The following ROBO2 variants were observed in gnomAD, a reference collection of about 807,000 sequenced individuals.
ROBO2 encodes the protein roundabout guidance receptor 2.
ROBO2 carries 53 observed loss-of-function variants against 160.8 expected under a neutral mutation model. The ratio of observed to expected loss-of-function variants is 0.33; its 90% CI spans 0.26 to 0.41. The LOEUF is 0.41. ROBO2 is among the 10% of genes least tolerant of loss of function. The pLI is 1.00. For missense variants in ROBO2, 1,577 were observed against 1,722.4 expected (o/e 0.92, Z 1.49); for synonymous variants, 664 against 611.7 (o/e 1.09, Z -1.26).
In ROBO2 at chr3:77,098,028, C is replaced by T; in HGVS notation, c.76C>T (p.Gln26Ter). Residue 26 changes from glutamine to a stop codon, truncating the protein, a stop_gained, in exon 2 of 26, where the codon CAG becomes TAG. Coordinates refer to ENST00000461745, the Ensembl canonical transcript of ROBO2. LOFTEE classifies it high-confidence loss of function. ...ATGTTTTGTAGGATCGCGTCTTCGC[C>T]AGGAGGACTTTCCCCCGCGGATTGT... is the stretch of plus-strand genomic sequence containing the variant. 1 of 1,572,602 alleles carries T rather than the reference C, an allele frequency of 6.4e-7. No individual in the cohort carries two copies. Among genetic ancestry groups the T allele is most frequent in the Non-Finnish European group, 8.7e-7 (1 of 1,154,322 alleles).
At chr3:77,506,927 A>G (rs2088622878) in intron 5 of ROBO2, among the ~76,000 whole-genome samples, 1 of 152,164 alleles carries the variant, frequency 6.6e-6, no homozygotes, top group Non-Finnish European at 1.5e-5. Context: ...TGATATAGGC[A>G]TGTCATCATT....
At chr3:77,439,225 G>A (rs2079648330) in intron 2 of ROBO2, among the ~76,000 whole-genome samples, 1 of 151,942 alleles carries the variant, frequency 6.6e-6, no homozygotes, top group South Asian at 2.1e-4. Context: ...GTAATATCTT[G>A]TAAGTTATTA....
intron 2 of ROBO2, among the ~76,000 whole-genome samples, chr3:77,307,775 C>A (rs1216399702): frequency 6.6e-6 from 1 of 151,974 alleles, no homozygotes; most frequent in African/African-American, 2.4e-5. Flanking sequence ...CCCAGCTACT[C>A]GGGAGGCTAA....
chr3:77,378,373 T>A (rs1413729507), intron 2 of ROBO2, among the ~76,000 whole-genome samples: 1 of 152,162 alleles, frequency 6.6e-6, no homozygotes, highest in African/African-American at 2.4e-5. Flanking sequence ...ATGGGGGAAC[T>A]GAGAAGCAGA....
intron 2 of ROBO2, among the ~76,000 whole-genome samples, chr3:76,863,823 A>G (rs566755560): frequency 6.6e-6 from 1 of 152,270 alleles, no homozygotes; most frequent in South Asian, 2.1e-4. Context: ...AAGCAATAAC[A>G]ATGATAAACT....
chr3:77,268,353 G>C (rs972531687), intron 2 of ROBO2, among the ~76,000 whole-genome samples: 3 of 152,178 alleles, frequency 2.0e-5, no homozygotes, highest in African/African-American at 7.2e-5. Context: ...AAAAAGTACA[G>C]TGTACGTTTT....
chr3:75,913,635 G>A (rs554553289), intron 1 of ROBO2, among the ~76,000 whole-genome samples: 35 of 152,124 alleles, frequency 2.3e-4, no homozygotes, highest in African/African-American at 8.2e-4. Flanking sequence ...TGCACTGCTG[G>A]GGTCAAAAAT....
At chr3:76,378,107 T>C (rs2076439256) in intron 2 of ROBO2, among the ~76,000 whole-genome samples, 1 of 152,148 alleles carries the variant, frequency 6.6e-6, no homozygotes, top group Non-Finnish European at 1.5e-5. Context: ...AAAATAAAAA[T>C]ACTAGAAGCA....
chr3:76,376,521 G>A (rs577595092), intron 2 of ROBO2, among the ~76,000 whole-genome samples: 20 of 152,212 alleles, frequency 1.3e-4, no homozygotes, highest in South Asian at 8.3e-4. Context: ...TTTTAAAGAC[G>A]TGTGAAAATC....
intron 2 of ROBO2, among the ~76,000 whole-genome samples, chr3:76,283,136 G>GTATGTATATATATATATATATATATATA (rs1553695789): frequency 1.6e-5 from 1 of 63,540 alleles, no homozygotes; most frequent in East Asian, 7.8e-4. Flanking sequence ...ATATAAAACT[G>GTATGTATATATATATATATATATATATA]TATATATATA....
At chr3:76,249,868 T>C (rs1173141928) in intron 2 of ROBO2, among the ~76,000 whole-genome samples, 1 of 152,134 alleles carries the variant, frequency 6.6e-6, no homozygotes, top group East Asian at 1.9e-4. Flanking sequence ...GATATTATTA[T>C]AGAATCTGTC....
chr3:76,468,585 C>T (rs1027208087), intron 2 of ROBO2, among the ~76,000 whole-genome samples: 3 of 151,970 alleles, frequency 2.0e-5, no homozygotes, highest in Non-Finnish European at 4.4e-5. Context: ...TGGCCTTTGT[C>T]CTTATTATTT....
intron 16 of ROBO2, among the ~76,000 whole-genome samples, chr3:77,587,554 C>T (rs962334870): frequency 2.6e-5 from 4 of 151,938 alleles, no homozygotes; most frequent in Non-Finnish European, 5.9e-5. Context: ...CACTTCAACC[C>T]TCCCAAAATA....
chr3:77,622,143 C>A, intron 22 of ROBO2, 84 bp from the exon 24 acceptor site: 2 of 1,203,066 alleles, frequency 1.7e-6, no homozygotes, highest in Non-Finnish European at 1.2e-6. Context: ...GTATGAGTTA[C>A]TATAGCATGC....
intron 2 of ROBO2, among the ~76,000 whole-genome samples, chr3:76,071,070 G>C (rs957796890): frequency 6.6e-6 from 1 of 152,120 alleles, no homozygotes; most frequent in Non-Finnish European, 1.5e-5. Context: ...CATAAGATTT[G>C]ATTGGTTCTC....
intron 2 of ROBO2, among the ~76,000 whole-genome samples, chr3:77,445,409 T>C (rs2080369686): frequency 6.6e-6 from 1 of 152,114 alleles, no homozygotes; most frequent in Non-Finnish European, 1.5e-5. Flanking sequence ...GGTATGTCAC[T>C]CCTCATAAAA....
intron 2 of ROBO2, among the ~76,000 whole-genome samples, chr3:76,912,516 A>G (rs1227650458): frequency 6.6e-6 from 1 of 152,198 alleles, no homozygotes; most frequent in East Asian, 1.9e-4. Flanking sequence ...TTACAAGCCT[A>G]TCAACTTTAT....
At chr3:77,442,562 C>T (rs1273316678) in intron 2 of ROBO2, among the ~76,000 whole-genome samples, 4 of 152,092 alleles carry the variant, frequency 2.6e-5, no homozygotes, top group Non-Finnish European at 4.4e-5. Context: ...GCATTTAAAA[C>T]TTATACATAT....
At chr3:76,213,073 A>G (rs1426337984) in intron 2 of ROBO2, among the ~76,000 whole-genome samples, 1 of 152,158 alleles carries the variant, frequency 6.6e-6, no homozygotes, top group African/African-American at 2.4e-5. Flanking sequence ...AAGGAGAGAC[A>G]AGAAATTTTT....
Sources: allele counts gnomAD v4.1 joint callset (sites outside exome capture counted in the v4.1 genomes callset), GRCh38; gene constraint gnomAD v4.1.1; transcripts MANE v1.5; gene names NCBI Gene and HGNC (gene_info 2026-07-23, HGNC 2026-07-21).